The following COL11A1 variants were observed in gnomAD, a reference collection of about 807,000 sequenced individuals.
COL11A1 encodes the protein collagen type XI alpha 1 chain, also known as collagen alpha-1(XI) chain.
Under a neutral mutation model 265.2 loss-of-function variants are expected in COL11A1, and 74 were observed. The ratio of observed to expected loss-of-function variants is 0.28; its 90% CI spans 0.23 to 0.34. COL11A1 has a LOEUF of 0.34. Ranked by LOEUF, COL11A1 falls within the 10% of genes least tolerant of loss-of-function variation. The pLI is 1.00. For missense variants in COL11A1, 2,165 were observed against 2,263.6 expected, an observed-to-expected ratio of 0.96 and a Z score of 0.88; for synonymous variants, 816 against 727.6, an observed-to-expected ratio of 1.12 and a Z score of -1.96.
At chr1:103,030,210 C>A (rs918791970) in intron 5 of COL11A1, among the ~76,000 whole-genome samples, 1 of 151,978 alleles carries the variant, frequency 6.6e-6, no homozygotes, top group Non-Finnish European at 1.5e-5. Flanking sequence ...TATTTGCCTT[C>A]CTGTTAGGTT....
At chr1:103,003,312 T>A (rs972694467) in intron 20 of COL11A1, 44 bp from the exon 21 acceptor site, 30 of 1,382,432 alleles carry the variant, frequency 2.2e-5, no homozygotes, top group Non-Finnish European at 2.7e-5. Context: ...AAAAAAAAAA[T>A]GTCCTAATAA....
intron 41 of COL11A1, among the ~76,000 whole-genome samples, chr1:102,959,853 TA>T (rs2101552803): frequency 6.6e-6 from 1 of 152,300 alleles, no homozygotes; most frequent in Non-Finnish European, 1.5e-5. Context: ...GCTTGGTTCC[TA>T]AAAAATAACT....
chr1:102,955,882 C>A (rs536911487), intron 41 of COL11A1, among the ~76,000 whole-genome samples: 4 of 152,136 alleles, frequency 2.6e-5, no homozygotes, highest in African/African-American at 9.7e-5. Flanking sequence ...TGCATCAAGA[C>A]ATCCATTTAG....
intron 64 of COL11A1, 65 bp downstream of exon 64, chr1:102,883,134 A>T: frequency 2.0e-6 from 2 of 1,006,412 alleles, no homozygotes; most frequent in Non-Finnish European, 3.2e-6. Context: ...TTTCCTGTTT[A>T]GTTCAATATT....
chr1:102,978,595 T>C, intron 35 of COL11A1, 113 bp downstream of exon 35: 1 of 1,144,734 alleles, frequency 8.7e-7, no homozygotes, highest in Non-Finnish European at 1.3e-6. Flanking sequence ...TCAGACTAGA[T>C]TTTGTGGATA....
chr1:102,877,537 G>C lies in COL11A1; in HGVS notation c.*482C>G, dbSNP rs1649643051. ...ATAATACATATATTTATTGCCATCA[G>C]AGTTCTGCAATTCTCATAAAATTAG... is the stretch of plus-strand genomic sequence containing the variant. On this transcript the variant is annotated 3_prime_UTR_variant, in exon 67 of 67. Transcript: ENST00000370096. 1 of 153,488 alleles carries C rather than the reference G, an allele frequency of 6.5e-6. No individual in the cohort carries two copies. Among genetic ancestry groups the C allele is most frequent in the South Asian group, 2.0e-4 (1 of 4,916 alleles). 9.5% of individuals were successfully genotyped at this position (153,488 alleles called of 1,614,324 possible).
rs558085862 is a variant in COL11A1 at position 102,953,765 on chromosome 1, C to T, written c.3169-6809G>A. On this transcript the variant is annotated intron_variant, in intron 41 of 66. Coordinates refer to ENST00000370096, the MANE Select transcript of COL11A1 (RefSeq NM_001854.4). The stretch of plus-strand genomic sequence containing the variant: ...ATCAAAACAACAGGTATAAAATACC[C>T]TGTTAAAAGAAGGGTAGGGCTTTTT... Among the ~76,000 whole-genome samples, 4 of 152,138 alleles carry T rather than the reference C, an allele frequency of 2.6e-5. No homozygotes were observed. The East Asian group carries it at 5.8e-4, about 22-fold the overall frequency.
chr1:103,005,796 T>A, intron 18 of COL11A1, 42 bp downstream of exon 18: 1 of 1,609,444 alleles, frequency 6.2e-7, no homozygotes, highest in Non-Finnish European at 8.5e-7. Flanking sequence ...TCTAAAATAT[T>A]TTATAACATT....
Position 102,923,373 on chromosome 1 carries a change from G to T in COL11A1, c.3617C>A (p.Pro1206His). Residue 1206 changes from proline to histidine, a missense_variant, in exon 47 of 67, where the codon CCT becomes CAT. Transcript: ENST00000370096. The part of the protein sequence containing the change: ...PIGLQGLPGP[P>H]GEKGENGDVG... The stretch of plus-strand genomic sequence containing the variant: ...ATCCCCATTTTCACCTTTTTCACCA[G>T]GTGGGCCTGGCAGACCCTAAGAAAA... The T allele has an allele frequency of 1.2e-6, 2 of 1,603,956 alleles. No homozygotes were observed. Among genetic ancestry groups the T allele is most frequent in the Non-Finnish European group, 1.7e-6 (2 of 1,174,274 alleles).
chr1:102,973,127 T>C (rs766782997), intron 36 of COL11A1, among the ~76,000 whole-genome samples: 4 of 152,108 alleles, frequency 2.6e-5, no homozygotes, highest in Non-Finnish European at 5.9e-5. Flanking sequence ...TGTCCCAAAC[T>C]GCATAAAACT....
At chr1:102,917,665 A>G (rs1456654618) in intron 49 of COL11A1, among the ~76,000 whole-genome samples, 1 of 151,894 alleles carries the variant, frequency 6.6e-6, no homozygotes, top group Non-Finnish European at 1.5e-5. Context: ...GTTCTTATCA[A>G]CTATAAAGTT....
intron 5 of COL11A1, 41 bp downstream of exon 5, chr1:103,031,075 C>G (rs777913738): frequency 6.2e-7 from 1 of 1,611,026 alleles, no homozygotes; most frequent in South Asian, 1.1e-5. Context: ...ATGTCCATAT[C>G]ACTGAAATAC....
At chr1:103,001,287 T>G (rs1665079876) in intron 24 of COL11A1, 1 of 396,796 alleles carries the variant, frequency 2.5e-6, no homozygotes, top group South Asian at 1.3e-4. Flanking sequence ...ATAAAGCTAT[T>G]AGTTTTTTTT....
chr1:102,926,181 C>T (rs1446129461), intron 46 of COL11A1, among the ~76,000 whole-genome samples: 1 of 152,024 alleles, frequency 6.6e-6, no homozygotes, highest in Non-Finnish European at 1.5e-5. Context: ...TCTCTTGTTG[C>T]ATGGAACTAA....
intron 1 of COL11A1, among the ~76,000 whole-genome samples, chr1:103,093,711 A>C (rs1673509363): frequency 1.3e-5 from 2 of 152,168 alleles, no homozygotes; most frequent in African/African-American, 4.8e-5. Flanking sequence ...TGGAAAATAC[A>C]TTGCCAGTAA....
intron 32 of COL11A1, 115 bp downstream of exon 32, chr1:102,979,267 G>A (rs1473921900): frequency 3.0e-5 from 37 of 1,215,660 alleles, no homozygotes; most frequent in Non-Finnish European, 4.4e-5. Flanking sequence ...GGAACTCCGG[G>A]ATTCAAGCAA....
chr1:103,023,366 C>CTTTTTTTTT (rs762224006), intron 7 of COL11A1, among the ~76,000 whole-genome samples: 2 of 144,258 alleles, frequency 1.4e-5, no homozygotes, highest in East Asian at 2.1e-4. Context: ...ATGTTTTTTT[C>CTTTTTTTTT]TTTCTTTTTT....
chr1:103,057,366 T>C (rs2102175121), intron 4 of COL11A1, among the ~76,000 whole-genome samples: 1 of 152,314 alleles, frequency 6.6e-6, no homozygotes, highest in African/African-American at 2.4e-5. Flanking sequence ...ATTCTAGTTC[T>C]CTTGCTATTT....
At chr1:102,919,514 A>G (rs1330243909) in intron 49 of COL11A1, among the ~76,000 whole-genome samples, 2 of 151,954 alleles carry the variant, frequency 1.3e-5, no homozygotes, top group African/African-American at 4.8e-5. Flanking sequence ...ATATTAAGGA[A>G]TTTTTTAGTG....
Sources: gnomAD v4.1 joint callset for allele counts (sites outside exome capture counted in the v4.1 genomes callset) on GRCh38, gnomAD v4.1.1 for gene constraint, MANE v1.5 for transcripts, NCBI Gene and HGNC (gene_info 2026-07-23, HGNC 2026-07-21) for gene names.